The following DET1 variants were observed in gnomAD, a reference collection of about 807,000 sequenced individuals.
DET1 encodes the protein DET1 homolog.
Under a neutral mutation model 43.7 loss-of-function variants are expected in DET1, and 22 were observed. The observed-to-expected ratio is 0.50, with a 90% CI of 0.36 to 0.72. DET1 has a LOEUF of 0.72. DET1 is among the 30% of genes least tolerant of loss of function. The probability of loss-of-function intolerance (pLI) is 0.00; values close to 1 mark genes in which losing one functional copy is unlikely to be tolerated. For synonymous variants in DET1, 315 were observed against 266.2 expected, an observed-to-expected ratio of 1.18 and a Z score of -1.79; for missense variants, 713 against 713.3, an observed-to-expected ratio of 1.00 and a Z score of 0.00.
At chr15:88,524,811 C>T (rs961723344) in intron 3 of DET1, among the ~76,000 whole-genome samples, 3 of 152,240 alleles carry the variant, frequency 2.0e-5, no homozygotes, top group East Asian at 1.9e-4. Context: ...ACAAACACTG[C>T]GGAAGGCCAC....
intron 3 of DET1, among the ~76,000 whole-genome samples, chr15:88,523,931 G>C (rs868685430): frequency 2.6e-4 from 39 of 147,228 alleles, no homozygotes; most frequent in African/African-American, 9.1e-4. Context: ...CCCTCTGCCC[G>C]GCTGCCCAGT....
At chr15:88,524,350 C>T (rs942721802) in intron 3 of DET1, among the ~76,000 whole-genome samples, 7 of 151,246 alleles carry the variant, frequency 4.6e-5, no homozygotes, top group Admixed American at 3.9e-4. Context: ...TGGGGGGCAG[C>T]CCCTGCCTGG....
intron 4 of DET1, among the ~76,000 whole-genome samples, chr15:88,513,499 A>G (rs1013556373): frequency 2.0e-5 from 3 of 152,104 alleles, no homozygotes; most frequent in African/African-American, 7.2e-5. Flanking sequence ...GTAATTTTAA[A>G]TTTTCAGGTA....
At chr15:88,532,020 G>T (rs142404310) in intron 1 of DET1, 1 of 239,372 alleles carries the variant, frequency 4.2e-6, no homozygotes. Flanking sequence ...AGACACATTC[G>T]GCTGGGCGCA....
chr15:88,520,562 A>C (rs552485055), intron 3 of DET1, among the ~76,000 whole-genome samples: 11 of 152,328 alleles, frequency 7.2e-5, no homozygotes, highest in African/African-American at 2.2e-4. Context: ...CTCTACCCAC[A>C]GGTTTACAGT....
chr15:88,514,487 A>G, intron 4 of DET1, among the ~76,000 whole-genome samples: 1 of 152,248 alleles, frequency 6.6e-6, no homozygotes, highest in Admixed American at 6.5e-5. Flanking sequence ...TAGTACATGA[A>G]TAAAGATGAC....
chr15:88,527,904 A>ACAG (rs1480116814), intron 2 of DET1, 118 bp from the exon 3 acceptor site: 9 of 577,982 alleles, frequency 1.6e-5, no homozygotes, highest in Non-Finnish European at 2.2e-5. Flanking sequence ...AACAACAACA[A>ACAG]CAACAACAAC....
intron 4 of DET1, among the ~76,000 whole-genome samples, chr15:88,513,793 C>CTTTTTTTT (rs55855042): frequency 2.9e-5 from 2 of 68,488 alleles, no homozygotes; most frequent in African/African-American, 1.4e-4. Flanking sequence ...AGAATAAATT[C>CTTTTTTTT]TTTTTTTTTT....
At chr15:88,525,902 T>C (rs2056651370) in intron 3 of DET1, among the ~76,000 whole-genome samples, 1 of 148,908 alleles carries the variant, frequency 6.7e-6, no homozygotes, top group Non-Finnish European at 1.5e-5. Flanking sequence ...GTCTTGAAAC[T>C]TGGACTCAAG....
chr15:88,522,670 G>C (rs1024550480), intron 3 of DET1, among the ~76,000 whole-genome samples: 2 of 151,052 alleles, frequency 1.3e-5, no homozygotes, highest in African/African-American at 4.9e-5. Context: ...CATCACACAC[G>C]GCTAATTTTT....
intron 3 of DET1, among the ~76,000 whole-genome samples, chr15:88,519,105 A>G (rs2056422501): frequency 6.6e-6 from 1 of 152,204 alleles, no homozygotes; most frequent in Non-Finnish European, 1.5e-5. Context: ...TTTCAAAGGT[A>G]AAATGATGGG....
intron 1 of DET1, among the ~76,000 whole-genome samples, chr15:88,539,590 C>T (rs1417146308): frequency 2.0e-5 from 3 of 151,890 alleles, no homozygotes; most frequent in Non-Finnish European, 4.4e-5. Context: ...CATGTCAGGA[C>T]GTCGGTATTG....
At chr15:88,528,559 T>C (rs1408194318) in intron 2 of DET1, among the ~76,000 whole-genome samples, 1 of 152,172 alleles carries the variant, frequency 6.6e-6, no homozygotes, top group Non-Finnish European at 1.5e-5. Flanking sequence ...GGTGGCAGAG[T>C]TACTGCTTTT....
At chr15:88,502,156 C>T (rs1363672463) in intron 8 of DET1, 2 of 152,166 alleles carry the variant, frequency 1.3e-5, no homozygotes, top group East Asian at 3.9e-4. Context: ...CTCCTTAAGA[C>T]AGATTTCAAA....
intron 4 of DET1, among the ~76,000 whole-genome samples, chr15:88,514,603 G>T (rs891687663): frequency 6.6e-6 from 1 of 152,124 alleles, no homozygotes; most frequent in Non-Finnish European, 1.5e-5. Context: ...AGAATAATAC[G>T]CCTTCATTAG....
At chr15:88,541,888 C>A (rs895843084) in intron 1 of DET1, among the ~76,000 whole-genome samples, 2 of 152,166 alleles carry the variant, frequency 1.3e-5, no homozygotes. Flanking sequence ...GAGGAGACGT[C>A]CCCTGTGGGC....
chr15:88,531,618 C>T lies in DET1; in HGVS notation c.88G>A (p.Gly30Ser). Residue 30 changes from glycine (G) to serine (S), a missense_variant, in exon 2 of 5, where the codon GGC becomes AGC. Coordinates refer to ENST00000268148, the MANE Select transcript of DET1 (RefSeq NM_001144074.3). The surrounding 1 kb of genome is among the most constrained non-coding windows in gnomAD (Gnocchi z 6.2). ...HRLERRRISSGKAGTHWHQVR... is the reference protein window; with the variant it reads ...HRLERRRISSSKAGTHWHQVR... ...TGGTGCCAGTGGGTACCTGCCTTGC[C>T]TGAACTGATCCGCCGGCGTTCCAAG... 6.2e-7 allele frequency: 1 copy of T among 1,614,014 alleles called. No homozygotes were observed. The highest frequency in any genetic ancestry group is 8.5e-7 in the Non-Finnish European group (1 of 1,179,886).
At chr15:88,527,233 G>C (rs1437852623) in intron 3 of DET1, among the ~76,000 whole-genome samples, 1 of 152,120 alleles carries the variant, frequency 6.6e-6, no homozygotes, top group Non-Finnish European at 1.5e-5. Context: ...CTTAGGGATG[G>C]AGCAAAGATA....
chr15:88,528,428 T>C (rs918205777), intron 2 of DET1, among the ~76,000 whole-genome samples: 3 of 152,242 alleles, frequency 2.0e-5, no homozygotes, highest in Non-Finnish European at 4.4e-5. Flanking sequence ...AAAAATCAGA[T>C]AGGCGTTTTC....
Sources: gnomAD v4.1 joint callset for allele counts (sites outside exome capture counted in the v4.1 genomes callset) on GRCh38, gnomAD v4.1.1 for gene constraint, Gnocchi (gnomAD v3.1) non-coding constraint, MANE v1.5 for transcripts, NCBI Gene and HGNC (gene_info 2026-07-23, HGNC 2026-07-21) for gene names.